GTF3C1: variants seen among roughly 807,000 people sequenced by gnomAD.
GTF3C1 encodes general transcription factor IIIC subunit 1.
A neutral mutation model predicts 226.7 loss-of-function variants in GTF3C1; 57 were observed. The observed-to-expected ratio is 0.25, with a 90% CI of 0.20 to 0.31. The LOEUF (loss-of-function observed/expected upper bound fraction) is 0.31. Ranked by LOEUF, GTF3C1 falls within the 10% of genes least tolerant of loss-of-function variation. The pLI is 1.00. For synonymous variants in GTF3C1, 1,090 were observed against 1,084.8 expected, an observed-to-expected ratio of 1.00 and a Z score of -0.09; for missense variants, 2,217 against 2,776.1, an observed-to-expected ratio of 0.80 and a Z score of 4.53.
At position 27,464,846 on chromosome 16, in the gene GTF3C1, C is replaced by A; in HGVS notation, c.5356-10G>T. The A allele has an allele frequency of 6.7e-7, 1 of 1,500,564 alleles. No individual in the cohort carries two copies. The highest frequency in any genetic ancestry group is 1.3e-5 in the South Asian group (1 of 75,162). The allele number at this position is 1,500,564 out of a possible 1,614,324, so 93.0% of individuals were successfully genotyped here. A position where few individuals can be genotyped will look rare whatever the true frequency, so the allele number is the denominator to read the frequency against. ...GCTGCTCCAGGAGGGCCTGGGGAGG[C>A]AGGAGACACGCGGGGTCTGTGGGGA... On this transcript the variant is annotated splice_polypyrimidine_tract_variant and intron_variant, in intron 33 of 36. Transcript: ENST00000356183.
chr16:27,500,142 T>C (rs1234291549), intron 12 of GTF3C1, among the ~76,000 whole-genome samples: 4 of 152,218 alleles, frequency 2.6e-5, no homozygotes, highest in African/African-American at 7.2e-5. Context: ...GGGGGGTTCC[T>C]GTCTTCAGTG....
At chr16:27,498,294 T>C (rs1473919220) in intron 13 of GTF3C1, among the ~76,000 whole-genome samples, 1 of 152,136 alleles carries the variant, frequency 6.6e-6, no homozygotes, top group Non-Finnish European at 1.5e-5. Flanking sequence ...CATTACATGG[T>C]TTATGAACAA....
intron 4 of GTF3C1, among the ~76,000 whole-genome samples, chr16:27,533,960 T>C (rs1206529745): frequency 6.6e-6 from 1 of 152,144 alleles, no homozygotes; most frequent in Admixed American, 6.5e-5. Flanking sequence ...GAGCCGAGAT[T>C]GCACCACTGC....
At chr16:27,515,745 GAC>G (rs1452488834) in intron 6 of GTF3C1, among the ~76,000 whole-genome samples, 1 of 152,212 alleles carries the variant, frequency 6.6e-6, no homozygotes, top group Admixed American at 6.5e-5. Flanking sequence ...AAAATGGGAT[GAC>G]AGTGTTCTCT....
intron 1 of GTF3C1, among the ~76,000 whole-genome samples, chr16:27,547,167 C>T (rs1389416713): frequency 2.0e-5 from 3 of 152,166 alleles, no homozygotes; most frequent in African/African-American, 7.2e-5. Flanking sequence ...CACCCTCCAT[C>T]CAGCCTTGAA....
At position 27,469,438 on chromosome 16, in the gene GTF3C1, T is replaced by C. The variant is rs2141347261; in HGVS notation, c.4927A>G (p.Thr1643Ala). 1 of 1,614,164 alleles carries C rather than the reference T, an allele frequency of 6.2e-7. No homozygotes were observed. The highest frequency in any genetic ancestry group is 2.2e-5 in the East Asian group (1 of 44,890). The change falls in exon 32 of 37, where the codon ACC (threonine) becomes GCC (alanine). Residue 1643 changes from threonine (T) to alanine (A), a missense_variant. Physicochemically the swap from Thr to Ala is moderately conservative, Grantham distance 58. This residue lies in a region of GTF3C1 where 455 missense variants were observed against 441.9 expected (regional missense o/e 1.03). Coordinates refer to ENST00000356183, the MANE Select transcript of GTF3C1 (RefSeq NM_001520.4). This position sits in a 1 kb window ranked among gnomAD's most constrained non-coding sequence, Gnocchi z 4.5. ...MEVKPAQASH[T>A]NYLLMRGYYS... ...TAGCCCCTCATCAGCAGGTAGTTGG[T>C]GTGGGAGGCTTGCGCAGGTTTCACC...
At chr16:27,526,409 T>A (rs1433162461) in intron 6 of GTF3C1, among the ~76,000 whole-genome samples, 1 of 152,226 alleles carries the variant, frequency 6.6e-6, no homozygotes, top group African/African-American at 2.4e-5. Context: ...TCTCTGAGCC[T>A]AGAAACCCTC....
Position 27,494,914 on chromosome 16 carries a change from A to G in GTF3C1, c.2633-6T>C, listed in dbSNP as rs770014154. 2 of 1,611,292 alleles carry G rather than the reference A, an allele frequency of 1.2e-6. No homozygotes were observed. Among genetic ancestry groups the G allele is most frequent in the Admixed American group, 1.7e-5 (1 of 59,944 alleles). On this transcript the variant is annotated splice_polypyrimidine_tract_variant and splice_region_variant and intron_variant, in intron 15 of 36. Coordinates refer to ENST00000356183, the MANE Select transcript of GTF3C1 (RefSeq NM_001520.4). ...CGAGGCATCGTCGACATACACTAGG[A>G]AAAAAACGCACGGTTACCCCCGGCA...
intron 14 of GTF3C1, among the ~76,000 whole-genome samples, chr16:27,496,806 G>C (rs1198827374): frequency 6.6e-6 from 1 of 152,236 alleles, no homozygotes; most frequent in Non-Finnish European, 1.5e-5. Flanking sequence ...GGTAGGCACA[G>C]CAAGAGGGTG....
In GTF3C1 at chr16:27,492,572, G is replaced by A. The variant is rs368067833; in HGVS notation, c.2973+45C>T. ...CATTGGGTCTGGCTGCTTGGAGACC[G>A]TTTAACAATCAGAATTTCCTTCGTT... On this transcript the variant is annotated intron_variant, in intron 18 of 36. Transcript: ENST00000356183. This position sits in a 1 kb window ranked among gnomAD's most constrained non-coding sequence, Gnocchi z 5.0. 14 of 1,536,466 alleles carry A rather than the reference G, an allele frequency of 9.1e-6. No homozygotes were observed. Among genetic ancestry groups the A allele is most frequent in the South Asian group, 1.1e-5 (1 of 89,600 alleles).
chr16:27,473,796 C>T (rs2087911847), intron 29 of GTF3C1, among the ~76,000 whole-genome samples: 1 of 152,208 alleles, frequency 6.6e-6, no homozygotes, highest in African/African-American at 2.4e-5. Context: ...TGCAGACCAT[C>T]AGACCTTATG....
chr16:27,547,342 T>A (rs2089179645), intron 1 of GTF3C1, among the ~76,000 whole-genome samples: 1 of 152,148 alleles, frequency 6.6e-6, no homozygotes, highest in South Asian at 2.1e-4. Context: ...CGAAGCCAGA[T>A]GTTTACTAAT....
chr16:27,498,525 C>T (rs1336117720), intron 13 of GTF3C1, 105 bp downstream of exon 13: 1 of 736,270 alleles, frequency 1.4e-6, no homozygotes, highest in Non-Finnish European at 2.5e-6. Context: ...CCAACAAATT[C>T]ACTGATCCAT....
Position 27,511,679 on chromosome 16 carries a change from T to C in GTF3C1, c.1126+70A>G, listed in dbSNP as rs2088572022. 7.2e-6 allele frequency: 11 copies of C among 1,520,128 alleles called. No homozygotes were observed. The South Asian group carries it at 8.1e-5, about 11-fold the overall frequency. 94.2% of individuals were successfully genotyped at this position (1,520,128 alleles called of 1,614,324 possible). On this transcript the variant is annotated intron_variant, in intron 7 of 36. Transcript: ENST00000356183. Reference sequence around the variant, plus strand: ...TCTATAGCAGAGCTCTCTCTCGACATGTGGGCAAAGCGCTTCTTGACTCAA... The same window carrying C: ...TCTATAGCAGAGCTCTCTCTCGACACGTGGGCAAAGCGCTTCTTGACTCAA...
At chr16:27,477,759 A>G (rs2087975000) in intron 28 of GTF3C1, among the ~76,000 whole-genome samples, 1 of 152,052 alleles carries the variant, frequency 6.6e-6, no homozygotes, top group African/African-American at 2.4e-5. Flanking sequence ...GGTTTTGAGG[A>G]GTCAAAAGTT....
intron 12 of GTF3C1, among the ~76,000 whole-genome samples, chr16:27,500,391 C>T (rs920187197): frequency 1.3e-5 from 2 of 152,220 alleles, no homozygotes; most frequent in African/African-American, 4.8e-5. Context: ...AGGATAGACA[C>T]TGTTGTTTCT....
rs2087854570 is a variant in GTF3C1, at chr16:27,470,703, A to G, written c.4527-308T>C. 8.1e-6 allele frequency: 3 copies of G among 372,350 alleles called. No homozygotes were observed. Among genetic ancestry groups the G allele is most frequent in the Non-Finnish European group, 1.5e-5 (3 of 201,268 alleles). 23.1% of individuals were successfully genotyped at this position (372,350 alleles called of 1,614,324 possible). A position where few individuals can be genotyped will look rare whatever the true frequency, so the allele number is the denominator to read the frequency against. ...CTCACCTTACAGGGGCTCACTGTACACAGCTGCTGAACTAGGGATGGTGAA... is the reference window on the plus strand; with the variant it reads ...CTCACCTTACAGGGGCTCACTGTACGCAGCTGCTGAACTAGGGATGGTGAA... On this transcript the variant is annotated intron_variant, in intron 30 of 36. Transcript: ENST00000356183. This position sits in a 1 kb window ranked among gnomAD's most constrained non-coding sequence, Gnocchi z 4.9.
intron 33 of GTF3C1, among the ~76,000 whole-genome samples, 188 bp from the exon 34 acceptor site, chr16:27,465,024 CTCTT>C (rs1404200244): frequency 1.3e-5 from 2 of 152,234 alleles, no homozygotes; most frequent in African/African-American, 4.8e-5. Context: ...GGAGCAGCAT[CTCTT>C]TCTCTCTGGC....
chr16:27,518,394 G>T (rs2088694968), intron 6 of GTF3C1, among the ~76,000 whole-genome samples: 1 of 152,216 alleles, frequency 6.6e-6, no homozygotes, highest in Non-Finnish European at 1.5e-5. Context: ...ATGTAATATG[G>T]CCTCTAGGCC....
Sources: allele counts gnomAD v4.1 joint callset (sites outside exome capture counted in the v4.1 genomes callset), GRCh38; gene constraint gnomAD v4.1.1; regional missense constraint gnomAD v4.1.1; non-coding constraint Gnocchi (gnomAD v3.1); transcripts MANE v1.5; gene names NCBI Gene and HGNC (gene_info 2026-07-23, HGNC 2026-07-21).